DCAF5: variants seen among roughly 807,000 people sequenced by gnomAD.
The protein encoded by DCAF5 is DDB1- and CUL4-associated factor 5.
A neutral mutation model predicts 80.7 loss-of-function variants in DCAF5; 9 were observed. That is an observed-to-expected ratio of 0.11 (90% CI 0.07 to 0.19). The LOEUF is 0.19. Ranked by LOEUF, DCAF5 falls within the 10% of genes least tolerant of loss-of-function variation. DCAF5 has a pLI of 1.00. For missense variants in DCAF5, 842 were observed against 1,205.7 expected (o/e 0.70, Z 4.47); for synonymous variants, 433 against 461.9 (o/e 0.94, Z 0.80).
intron 6 of DCAF5, chr14:69,091,031 G>T (rs1253836576): frequency 1.4e-6 from 1 of 721,038 alleles, no homozygotes; most frequent in South Asian, 1.4e-5. Flanking sequence ...AAGACAGAAA[G>T]GTGCAAGAAG....
intron 1 of DCAF5, among the ~76,000 whole-genome samples, chr14:69,139,362 GGTGTACATCACCTAT>G (rs969513375): frequency 6.6e-6 from 1 of 151,736 alleles, no homozygotes; most frequent in Non-Finnish European, 1.5e-5. Context: ...TGCACACATA[GGTGTACATCACCTAT>G]GTGTCCTAGC....
intron 1 of DCAF5, among the ~76,000 whole-genome samples, chr14:69,142,054 G>A (rs550104243): frequency 6.6e-6 from 1 of 152,256 alleles, no homozygotes; most frequent in Non-Finnish European, 1.5e-5. Flanking sequence ...CAGCACCTTG[G>A]AAGGCCAAGG....
chr14:69,116,632 T>A, intron 4 of DCAF5, 137 bp from the exon 5 acceptor site: 1 of 971,128 alleles, frequency 1.0e-6, no homozygotes, highest in Non-Finnish European at 1.5e-6. Flanking sequence ...AAACAGCACA[T>A]AATCCCACCA....
chr14:69,067,633 C>T (rs1386034853), intron 7 of DCAF5, among the ~76,000 whole-genome samples: 1 of 151,772 alleles, frequency 6.6e-6, no homozygotes, highest in African/African-American at 2.4e-5. Flanking sequence ...GTGTGAGCCA[C>T]CTAATCCAGC....
rs577989760 is a variant in DCAF5, at chr14:69,054,179, C to T, written c.2507G>A (p.Arg836His). The part of the protein sequence containing the change: ...ETICANHNNG[R>H]LHPRPPHPHN... Reference sequence around the variant, plus strand: ...AGGGTGAGGGGGACGAGGGTGTAAGCGTCCATTGTTGTGGTTGGCACAGAT... The same window carrying T: ...AGGGTGAGGGGGACGAGGGTGTAAGTGTCCATTGTTGTGGTTGGCACAGAT... Residue 836 changes from arginine to histidine, a missense_variant, in exon 9 of 9, where the codon CGC becomes CAC. Around this residue, in one of 5 missense-constraint regions of DCAF5, gnomAD observed 607 missense variants for 656.6 expected, o/e 0.92. Transcript: ENST00000341516. The T allele has an allele frequency of 1.9e-5, 31 of 1,614,256 alleles. No individual in the cohort carries two copies. In the East Asian group the frequency reaches 5.8e-4, roughly 30 times the overall value.
chr14:69,082,698 T>C (rs1362026106), intron 6 of DCAF5, among the ~76,000 whole-genome samples: 1 of 152,200 alleles, frequency 6.6e-6, no homozygotes, highest in Non-Finnish European at 1.5e-5. Flanking sequence ...AGTGAGGAGA[T>C]GATAGCACTC....
intron 6 of DCAF5, among the ~76,000 whole-genome samples, chr14:69,082,275 A>G (rs1178293087): frequency 2.6e-5 from 4 of 152,228 alleles, no homozygotes; most frequent in African/African-American, 9.6e-5. Context: ...ATTTGTGGTA[A>G]GAGAAATTTC....
chr14:69,084,173 C>G, intron 6 of DCAF5: 2 of 924,046 alleles, frequency 2.2e-6, no homozygotes, highest in Non-Finnish European at 3.6e-6. Context: ...ACTAGCCATG[C>G]AAACTTTTGG....
chr14:69,107,003 C>T (rs961559544), intron 5 of DCAF5, among the ~76,000 whole-genome samples: 1 of 152,150 alleles, frequency 6.6e-6, no homozygotes, highest in Non-Finnish European at 1.5e-5. Flanking sequence ...GATTGCACCA[C>T]TGCATTCCAG....
At chr14:69,061,737 C>CG (rs1236561039) in intron 8 of DCAF5, among the ~76,000 whole-genome samples, 2 of 152,210 alleles carry the variant, frequency 1.3e-5, no homozygotes, top group African/African-American at 4.8e-5. Context: ...CTCCTAACCT[C>CG]CAGATGAGGT....
intron 5 of DCAF5, among the ~76,000 whole-genome samples, chr14:69,104,219 G>A (rs1458291082): frequency 3.9e-5 from 6 of 152,160 alleles, no homozygotes; most frequent in African/African-American, 1.2e-4. Flanking sequence ...CCAGCAATAT[G>A]TGAGTGACTG....
chr14:69,144,261 T>C (rs1382714213), intron 1 of DCAF5, among the ~76,000 whole-genome samples: 1 of 152,046 alleles, frequency 6.6e-6, no homozygotes, highest in Non-Finnish European at 1.5e-5. Context: ...AATAATAATT[T>C]TCATTGTTAT....
intron 6 of DCAF5, among the ~76,000 whole-genome samples, chr14:69,080,366 G>T (rs1315772197): frequency 1.3e-5 from 2 of 151,968 alleles, no homozygotes; most frequent in African/African-American, 4.8e-5. Flanking sequence ...TGGGATACAA[G>T]GAAATATAAG....
intron 6 of DCAF5, among the ~76,000 whole-genome samples, chr14:69,076,991 G>T (rs4902690): frequency 2.4e-4 from 37 of 152,092 alleles, no homozygotes; most frequent in Middle Eastern, 6.8e-3. Flanking sequence ...CAAACTGCTT[G>T]ATCTCAAAAA....
At chr14:69,059,225 C>T (rs1217982462) in intron 8 of DCAF5, among the ~76,000 whole-genome samples, 1 of 152,116 alleles carries the variant, frequency 6.6e-6, no homozygotes, top group African/African-American at 2.4e-5. Flanking sequence ...ACTGAGAGCA[C>T]AGGCAGGCAC....
Position 69,055,748 on chromosome 14 carries a change from A to G in DCAF5, c.1075-137T>C, listed in dbSNP as rs1273615499. On this transcript the variant is annotated intron_variant, in intron 8 of 8. Transcript: ENST00000341516. This position sits in a 1 kb window ranked among gnomAD's most constrained non-coding sequence, Gnocchi z 5.6. Reference sequence around the variant, plus strand: ...AACTAGGACTTGCTAACCAACTTAAAAATAAGTTCTTTACCAGACTGGATC... The same window carrying G: ...AACTAGGACTTGCTAACCAACTTAAGAATAAGTTCTTTACCAGACTGGATC... The G allele has an allele frequency of 2.3e-6, 2 of 886,220 alleles. No individual in the cohort carries two copies. The highest frequency in any genetic ancestry group is 2.8e-5 in the Admixed American group (1 of 36,000). 54.9% of individuals were successfully genotyped at this position (886,220 alleles called of 1,614,324 possible).
At chr14:69,081,989 G>A (rs894282874) in intron 6 of DCAF5, among the ~76,000 whole-genome samples, 1 of 152,130 alleles carries the variant, frequency 6.6e-6, no homozygotes, top group Admixed American at 6.5e-5. Flanking sequence ...CAGATGGCTC[G>A]CTAGCCTGGA....
chr14:69,071,570 A>T (rs1456242387), intron 7 of DCAF5, among the ~76,000 whole-genome samples: 1 of 151,138 alleles, frequency 6.6e-6, no homozygotes, highest in Non-Finnish European at 1.5e-5. Context: ...TCCAAAAGGT[A>T]CACAGAGAAT....
chr14:69,085,159 C>A, intron 6 of DCAF5: 2 of 748,094 alleles, frequency 2.7e-6, no homozygotes, highest in South Asian at 1.4e-5. Context: ...GATTCCCATT[C>A]TCTGAAACAG....
Sources: allele counts gnomAD v4.1 joint callset (sites outside exome capture counted in the v4.1 genomes callset), GRCh38; gene constraint gnomAD v4.1.1; regional missense constraint gnomAD v4.1.1; non-coding constraint Gnocchi (gnomAD v3.1); transcripts MANE v1.5; gene names NCBI Gene and HGNC (gene_info 2026-07-23, HGNC 2026-07-21).